The following CPXM2 variants were observed in gnomAD, a reference collection of about 807,000 sequenced individuals.
The protein encoded by CPXM2 is inactive carboxypeptidase-like protein X2.
In CPXM2, 66 loss-of-function variants were observed where a neutral mutation model predicts 86.1. The ratio of observed to expected loss-of-function variants is 0.77; its 90% CI spans 0.63 to 0.94. The LOEUF (loss-of-function observed/expected upper bound fraction) is 0.94. Among genes scored for constraint, CPXM2 ranks in the 40% least tolerant of loss-of-function variants. CPXM2 has a pLI of 0.00. For synonymous variants in CPXM2, 388 were observed against 400.2 expected, an observed-to-expected ratio of 0.97 and a Z score of 0.36; for missense variants, 948 against 1,026.3, an observed-to-expected ratio of 0.92 and a Z score of 1.04.
chr10:123,766,866 A>G (rs1378149832), intron 10 of CPXM2, 107 bp downstream of exon 10: 2 of 909,686 alleles, frequency 2.2e-6, no homozygotes, highest in South Asian at 3.2e-5. Flanking sequence ...AACATGAAAG[A>G]AAAAAACAGT....
chr10:123,857,802 C>T (rs890343475), intron 3 of CPXM2, among the ~76,000 whole-genome samples: 1 of 152,242 alleles, frequency 6.6e-6, no homozygotes, highest in African/African-American at 2.4e-5. Flanking sequence ...GACTCCGCAG[C>T]TTCCACGCTC....
At chr10:123,807,184 T>A (rs1299130648) in intron 4 of CPXM2, among the ~76,000 whole-genome samples, 1 of 152,198 alleles carries the variant, frequency 6.6e-6, no homozygotes, top group African/African-American at 2.4e-5. Flanking sequence ...CATACAGGAT[T>A]ACTATTAAAG....
At chr10:123,773,856 G>A (rs1846717476) in intron 7 of CPXM2, among the ~76,000 whole-genome samples, 1 of 152,162 alleles carries the variant, frequency 6.6e-6, no homozygotes, top group Non-Finnish European at 1.5e-5. Context: ...ATGAGACCAG[G>A]GGCCAAAGGA....
intron 4 of CPXM2, among the ~76,000 whole-genome samples, chr10:123,812,616 A>T (rs1175299058): frequency 6.6e-6 from 1 of 152,160 alleles, no homozygotes; most frequent in Non-Finnish European, 1.5e-5. Flanking sequence ...CCTGTTAGGA[A>T]CTGGGCCACA....
intron 3 of CPXM2, among the ~76,000 whole-genome samples, chr10:123,846,383 T>C (rs1010390256): frequency 2.6e-5 from 4 of 152,176 alleles, no homozygotes; most frequent in Admixed American, 6.5e-5. Flanking sequence ...CAGTTCACAG[T>C]AGGGTTTGCG....
intron 6 of CPXM2, among the ~76,000 whole-genome samples, chr10:123,795,453 TG>T (rs1847314186): frequency 6.6e-6 from 1 of 151,952 alleles, no homozygotes; most frequent in South Asian, 2.1e-4. Context: ...CAAAGGTAAA[TG>T]AATGTTTCGT....
intron 3 of CPXM2, among the ~76,000 whole-genome samples, chr10:123,853,961 C>T (rs1267820089): frequency 1.3e-5 from 2 of 152,056 alleles, no homozygotes; most frequent in Admixed American, 1.3e-4. Flanking sequence ...CCCTCCTCCT[C>T]TCCTTTTTTC....
intron 3 of CPXM2, 38 bp downstream of exon 3, chr10:123,862,576 A>G: frequency 6.4e-7 from 1 of 1,562,692 alleles, no homozygotes; most frequent in Non-Finnish European, 8.8e-7. Context: ...AGCAATAAAC[A>G]AGGCAGTCAA....
chr10:123,794,616 G>A lies in CPXM2; in HGVS notation c.889+3360C>T, dbSNP rs115940443. ...ATCTTCAGAAATCTCCCCAGGTTCT[G>A]ATAAGCATAGATATTCAGTGCAAAA... On this transcript the variant is annotated intron_variant, in intron 6 of 13. Transcript: ENST00000241305. Among the ~76,000 whole-genome samples the A allele has an allele frequency of 1.3e-3, 191 of 152,240 alleles. 1 individual carries two copies. The highest frequency in any genetic ancestry group is 4.0e-3 in the African/African-American group (167 of 41,536).
intron 1 of CPXM2, among the ~76,000 whole-genome samples, chr10:123,883,613 A>G (rs531224917): frequency 8.5e-5 from 13 of 152,258 alleles, no homozygotes; most frequent in Non-Finnish European, 1.5e-4. Context: ...GCTAATGTGC[A>G]TAGCATGGTT....
chr10:123,770,726 C>G (rs533433120), intron 8 of CPXM2, among the ~76,000 whole-genome samples, 190 bp downstream of exon 8: 1 of 152,272 alleles, frequency 6.6e-6, no homozygotes, highest in East Asian at 1.9e-4. Flanking sequence ...GTAAATAATT[C>G]TATAGTCCAT....
At chr10:123,840,835 T>A (rs1330513868) in intron 4 of CPXM2, among the ~76,000 whole-genome samples, 1 of 152,242 alleles carries the variant, frequency 6.6e-6, no homozygotes, top group Non-Finnish European at 1.5e-5. Context: ...GACAGGTGGT[T>A]AAATGTAAGC....
At chr10:123,818,225 C>A (rs1847852381) in intron 4 of CPXM2, among the ~76,000 whole-genome samples, 1 of 152,174 alleles carries the variant, frequency 6.6e-6, no homozygotes, top group Non-Finnish European at 1.5e-5. Flanking sequence ...CATCTTTCCC[C>A]AGCCACCCCT....
In CPXM2 at chr10:123,885,323, T is replaced by A. The variant is rs188975839; in HGVS notation, c.305-5014A>T. ...GGCTGGGCATTGACCCCTCCAATCG[T>A]ACACCTCCTCCAAAAGCTCGGGTTA... is the stretch of plus-strand genomic sequence containing the variant. On this transcript the variant is annotated intron_variant, in intron 1 of 13. Coordinates refer to ENST00000241305, the MANE Select transcript of CPXM2 (RefSeq NM_198148.3). This position sits in a 1 kb window ranked among gnomAD's most constrained non-coding sequence, Gnocchi z 4.0. 9.9e-5 allele frequency among the ~76,000 whole-genome samples: 15 copies of A among 152,256 alleles called. No homozygotes were observed. Among genetic ancestry groups the A allele is most frequent in the Admixed American group, 9.8e-4 (15 of 15,296 alleles).
intron 1 of CPXM2, chr10:123,940,114 C>T (rs1358413647): frequency 6.6e-6 from 1 of 152,374 alleles, no homozygotes; most frequent in African/African-American, 2.4e-5. Flanking sequence ...GCAGCAGGAC[C>T]ACAACCCCTC....
rs373407267 is a variant in CPXM2 at position 123,771,081 on chromosome 10, G to A, written c.979-42C>T. 146 of 1,594,576 alleles carry A rather than the reference G, an allele frequency of 9.2e-5. No individual in the cohort carries two copies. The African/African-American group carries it at 1.6e-3, about 18-fold the overall frequency. ...ATCAAAAACTCTAAGCATTGATGACGATGCACTAAAAGGACAGAGCTCCCA... is the reference window on the plus strand; with the variant it reads ...ATCAAAAACTCTAAGCATTGATGACAATGCACTAAAAGGACAGAGCTCCCA... On this transcript the variant is annotated intron_variant, in intron 7 of 13. Transcript: ENST00000241305.
chr10:123,904,912 A>ATGTGCATCCTGTGACCTCCCCTC (rs1184917723), intron 2 of CPXM2, among the ~76,000 whole-genome samples: 2 of 131,662 alleles, frequency 1.5e-5, no homozygotes, highest in African/African-American at 6.1e-5. Context: ...GCTCTGCATC[A>ATGTGCATCCTGTGACCTCCCCTC]CACCTGCATC....
intron 4 of CPXM2, among the ~76,000 whole-genome samples, chr10:123,800,784 CA>C (rs5788629): frequency 0.63 from 94,087 of 150,534 alleles, 30,390 homozygotes; most frequent in Middle Eastern, 0.74. Context: ...TTCTCAAACT[CA>C]AAAAAAAAAT....
At chr10:123,749,675 T>C (rs1846033263) in intron 13 of CPXM2, among the ~76,000 whole-genome samples, 1 of 152,272 alleles carries the variant, frequency 6.6e-6, no homozygotes, top group Non-Finnish European at 1.5e-5. Flanking sequence ...GACACACACA[T>C]CTCACATCTC....
Sources: gnomAD v4.1 joint callset for allele counts (sites outside exome capture counted in the v4.1 genomes callset) on GRCh38, gnomAD v4.1.1 for gene constraint, Gnocchi (gnomAD v3.1) non-coding constraint, MANE v1.5 for transcripts, NCBI Gene and HGNC (gene_info 2026-07-23, HGNC 2026-07-21) for gene names.